Variants in EVI5 observed in about 807,000 individuals in gnomAD.
The protein encoded by EVI5 is ecotropic viral integration site 5 protein homolog.
EVI5 carries 73 observed loss-of-function variants against 112.0 expected under a neutral mutation model. The observed-to-expected ratio is 0.65, with a 90% CI of 0.54 to 0.79. EVI5 has a LOEUF of 0.79. Among genes scored for constraint, EVI5 ranks in the 30% least tolerant of loss-of-function variants. The pLI is 0.00. For missense variants in EVI5, 900 were observed against 968.8 expected (o/e 0.93, Z 0.94); for synonymous variants, 305 against 319.9 (o/e 0.95, Z 0.50).
chr1:92,561,607 TCCTATCTA>T (rs771589824), intron 19 of EVI5, among the ~76,000 whole-genome samples: 2 of 132,086 alleles, frequency 1.5e-5, no homozygotes, highest in Admixed American at 1.6e-4. Context: ...ATCTAATCTA[TCCTATCTA>T]TCTATCTATC....
intron 18 of EVI5, among the ~76,000 whole-genome samples, chr1:92,587,994 T>G (rs541262531): frequency 1.3e-5 from 2 of 152,302 alleles, no homozygotes; most frequent in South Asian, 2.1e-4. Flanking sequence ...AGGAAAAAAT[T>G]GACTTTTCTA....
At chr1:92,674,167 G>A (rs1323696141) in intron 10 of EVI5, among the ~76,000 whole-genome samples, 1 of 152,138 alleles carries the variant, frequency 6.6e-6, no homozygotes, top group Non-Finnish European at 1.5e-5. Flanking sequence ...CCATTTTACA[G>A]CAAGGCTCAA....
intron 7 of EVI5, among the ~76,000 whole-genome samples, chr1:92,694,625 G>C (rs534446692): frequency 6.6e-6 from 1 of 152,240 alleles, no homozygotes; most frequent in Admixed American, 6.5e-5. Context: ...TAAATAAATG[G>C]GCAGGGTTGT....
chr1:92,596,377 T>C (rs1054646434), intron 18 of EVI5, among the ~76,000 whole-genome samples: 19 of 151,766 alleles, frequency 1.3e-4, no homozygotes, highest in African/African-American at 4.6e-4. Flanking sequence ...ATAACAAAAA[T>C]AGCAACAAAA....
chr1:92,668,595 G>A (rs889334592), intron 10 of EVI5, among the ~76,000 whole-genome samples: 6 of 152,156 alleles, frequency 3.9e-5, no homozygotes, highest in South Asian at 4.2e-4. Flanking sequence ...CCCCTTTTAC[G>A]GCTTCTGAAA....
intron 18 of EVI5, among the ~76,000 whole-genome samples, chr1:92,599,886 G>A (rs1648745480): frequency 6.6e-6 from 1 of 152,156 alleles, no homozygotes; most frequent in Non-Finnish European, 1.5e-5. Flanking sequence ...TAATAAAAAG[G>A]ATTTTATGCT....
chr1:92,783,250 G>A (rs1685092664), intron 1 of EVI5, among the ~76,000 whole-genome samples: 1 of 152,032 alleles, frequency 6.6e-6, no homozygotes, highest in Admixed American at 6.6e-5. Flanking sequence ...CCTGGGCCAG[G>A]TGCGCTGGCT....
intron 18 of EVI5, among the ~76,000 whole-genome samples, chr1:92,574,719 ATC>A (rs1430038554): frequency 6.6e-6 from 1 of 152,168 alleles, no homozygotes; most frequent in Non-Finnish European, 1.5e-5. Flanking sequence ...TTGTTTTTTA[ATC>A]TGTTTGTGCT....
intron 19 of EVI5, among the ~76,000 whole-genome samples, chr1:92,554,677 A>G (rs1468524940): frequency 6.6e-6 from 1 of 152,196 alleles, no homozygotes; most frequent in Non-Finnish European, 1.5e-5. Flanking sequence ...AGTCATTAAG[A>G]ATGAGTTTTT....
chr1:92,764,155 A>C (rs1682280601), intron 1 of EVI5, among the ~76,000 whole-genome samples: 1 of 152,230 alleles, frequency 6.6e-6, no homozygotes, highest in Non-Finnish European at 1.5e-5. Flanking sequence ...TTCACTAAAT[A>C]GTACCACATG....
chr1:92,570,108 A>C (rs1403907607), intron 18 of EVI5, among the ~76,000 whole-genome samples: 1 of 152,090 alleles, frequency 6.6e-6, no homozygotes, highest in Non-Finnish European at 1.5e-5. Flanking sequence ...GGGAAAAAAA[A>C]CACGAGGAAG....
intron 16 of EVI5, among the ~76,000 whole-genome samples, chr1:92,618,466 A>C (rs1022011508): frequency 3.3e-5 from 5 of 152,264 alleles, no homozygotes; most frequent in African/African-American, 1.2e-4. Flanking sequence ...CCGGACTATC[A>C]AGATGAAATC....
chr1:92,590,490 C>T (rs1028857253), intron 18 of EVI5, among the ~76,000 whole-genome samples: 4 of 152,162 alleles, frequency 2.6e-5, no homozygotes, highest in East Asian at 1.9e-4. Flanking sequence ...GTAGCCGATT[C>T]GGTCAAGTGG....
intron 1 of EVI5, among the ~76,000 whole-genome samples, chr1:92,768,826 G>A (rs1227453542): frequency 2.0e-5 from 3 of 152,164 alleles, no homozygotes; most frequent in African/African-American, 4.8e-5. Flanking sequence ...AGTGAGCCAT[G>A]AACGCACCAC....
intron 1 of EVI5, among the ~76,000 whole-genome samples, chr1:92,784,089 A>G (rs985874794): frequency 1.3e-5 from 2 of 152,214 alleles, no homozygotes; most frequent in African/African-American, 4.8e-5. Context: ...AGCAATAGAT[A>G]GGAGGAAAGC....
intron 1 of EVI5, among the ~76,000 whole-genome samples, chr1:92,738,549 A>G (rs1371654758): frequency 6.6e-6 from 1 of 152,208 alleles, no homozygotes; most frequent in Non-Finnish European, 1.5e-5. Flanking sequence ...AGAAATTTAT[A>G]TCATACCCCT....
At chr1:92,537,368 G>A (rs145956529) in intron 19 of EVI5, among the ~76,000 whole-genome samples, 11 of 152,184 alleles carry the variant, frequency 7.2e-5, no homozygotes, top group Non-Finnish European at 1.5e-4. Context: ...TAGCATTTCT[G>A]TAAGTGATAT....
At chr1:92,734,376 T>A (rs1677007079) in intron 2 of EVI5, among the ~76,000 whole-genome samples, 1 of 152,232 alleles carries the variant, frequency 6.6e-6, no homozygotes, top group Admixed American at 6.5e-5. Flanking sequence ...CGAAAGTAAC[T>A]ACATTTTACC....
At chr1:92,611,591 C>A (rs1043346822) in intron 16 of EVI5, among the ~76,000 whole-genome samples, 1 of 149,006 alleles carries the variant, frequency 6.7e-6, no homozygotes, top group Non-Finnish European at 1.5e-5. Context: ...ACTCCCAACT[C>A]GGGAGGCTGA....
Sources: gnomAD v4.1 joint callset for allele counts (sites outside exome capture counted in the v4.1 genomes callset) on GRCh38, gnomAD v4.1.1 for gene constraint, MANE v1.5 for transcripts, NCBI Gene and HGNC (gene_info 2026-07-23, HGNC 2026-07-21) for gene names.